The following ZNF536 variants were observed in gnomAD, a reference collection of about 807,000 sequenced individuals.
The protein encoded by ZNF536 is zinc finger protein 536.
In ZNF536, 13 loss-of-function variants were observed where a neutral mutation model predicts 84.5. That is an observed-to-expected ratio of 0.15 (90% CI 0.10 to 0.24). ZNF536 has a LOEUF of 0.24. ZNF536 is among the 10% of genes least tolerant of loss of function. The pLI is 1.00. For missense variants in ZNF536, 1,536 were observed against 1,747.5 expected (o/e 0.88, Z 2.16); for synonymous variants, 811 against 742.5 (o/e 1.09, Z -1.50).
At chr19:30,501,003 G>A (rs184490218) in intron 2 of ZNF536, among the ~76,000 whole-genome samples, 38 of 152,262 alleles carry the variant, frequency 2.5e-4, no homozygotes, top group Non-Finnish European at 1.0e-4. Flanking sequence ...GGATTGGAGC[G>A]AGAAGGTTTG....
At chr19:30,261,297 CAAAAAAAA>C (rs66862950) in intron 1 of ZNF536, among the ~76,000 whole-genome samples, 2 of 23,584 alleles carry the variant, frequency 8.5e-5, no homozygotes, top group East Asian at 1.3e-3. Context: ...GACTCCGTCT[CAAAAAAAA>C]AAAAAAAAAA....
chr19:30,445,834 G>C lies in ZNF536; in HGVS notation c.2170+102G>C, dbSNP rs1481579143. On this transcript the variant is annotated intron_variant, in intron 2 of 4. Transcript: ENST00000355537. This position sits in a 1 kb window ranked among gnomAD's most constrained non-coding sequence, Gnocchi z 4.5. ...CTCCAGTCAGTTCCAAGGCCAGTGG[G>C]TCTTGATTGAGGACAGGGGTGGGTT... 6.2e-6 allele frequency: 9 copies of C among 1,449,976 alleles called. No homozygotes were observed. In the East Asian group the frequency reaches 2.2e-4, roughly 35 times the overall value. 89.8% of individuals were successfully genotyped at this position (1,449,976 alleles called of 1,614,324 possible).
At chr19:30,361,934 G>T (rs28439111) in intron 3 of ZNF536, among the ~76,000 whole-genome samples, 3,047 of 152,256 alleles carry the variant, frequency 0.02, 98 homozygotes, top group African/African-American at 0.066. Context: ...GAGGTCGAGA[G>T]CTGTGAGGCC....
At chr19:30,339,685 T>G (rs746546688) in intron 2 of ZNF536, among the ~76,000 whole-genome samples, 2 of 152,034 alleles carry the variant, frequency 1.3e-5, no homozygotes, top group Non-Finnish European at 2.9e-5. Context: ...GTTGGTGACA[T>G]TGCCAAATCT....
intron 1 of ZNF536, among the ~76,000 whole-genome samples, chr19:30,582,795 T>C (rs2046968505): frequency 6.6e-6 from 1 of 152,090 alleles, no homozygotes; most frequent in Non-Finnish European, 1.5e-5. Context: ...AACCATCAGA[T>C]GTCGTGGGAC....
At chr19:30,448,708 A>G (rs1407009293) in intron 2 of ZNF536, among the ~76,000 whole-genome samples, 2 of 152,218 alleles carry the variant, frequency 1.3e-5, no homozygotes, top group Non-Finnish European at 2.9e-5. Flanking sequence ...TGAATTCATC[A>G]TAAAAAACCT....
chr19:30,636,559 T>C (rs1297276320), intron 1 of ZNF536, among the ~76,000 whole-genome samples: 1 of 152,206 alleles, frequency 6.6e-6, no homozygotes, highest in Non-Finnish European at 1.5e-5. Context: ...CACAGAAAGT[T>C]ATTCTTTCTG....
intron 2 of ZNF536, among the ~76,000 whole-genome samples, chr19:30,475,177 T>G (rs2053794827): frequency 6.6e-6 from 1 of 152,122 alleles, no homozygotes; most frequent in African/African-American, 2.4e-5. Context: ...GTCTCCCAGG[T>G]TCAAGCGATT....
intron 1 of ZNF536, among the ~76,000 whole-genome samples, chr19:30,567,904 T>C (rs2046410034): frequency 6.6e-6 from 1 of 152,210 alleles, no homozygotes; most frequent in Admixed American, 6.5e-5. Flanking sequence ...GGCTGGGATC[T>C]TAGGCCTTTG....
intron 3 of ZNF536, among the ~76,000 whole-genome samples, chr19:30,352,833 A>G (rs1600346446): frequency 6.6e-6 from 1 of 152,312 alleles, no homozygotes; most frequent in Non-Finnish European, 1.5e-5. Flanking sequence ...TGAGATAAAG[A>G]TGGGGCTTCA....
rs186610608 is a variant in ZNF536 at position 30,241,954 on chromosome 19, G to A, written c.-190+13281G>A. 2.0e-5 allele frequency among the ~76,000 whole-genome samples: 3 copies of A among 152,210 alleles called. No homozygotes were observed. In the East Asian group the frequency reaches 5.8e-4, roughly 29 times the overall value. The stretch of plus-strand genomic sequence containing the variant: ...GGGAAGAGTTCCAGGCAGAGGGAAT[G>A]GCCTATGCAAAGGCCCTAAGGTTGG... On this transcript the variant is annotated intron_variant, in intron 1 of 5. Transcript: ENST00000585628.
intron 1 of ZNF536, among the ~76,000 whole-genome samples, chr19:30,693,792 A>G (rs2051530209): frequency 6.6e-6 from 1 of 152,172 alleles, no homozygotes; most frequent in Non-Finnish European, 1.5e-5. Flanking sequence ...AAATATATCC[A>G]GTGTGCCCAT....
chr19:30,563,745 C>T (rs2046256336), intron 1 of ZNF536, among the ~76,000 whole-genome samples: 2 of 152,188 alleles, frequency 1.3e-5, no homozygotes, highest in Admixed American at 1.3e-4. Flanking sequence ...TGGGGTTTGC[C>T]AGGCAGGCTG....
chr19:30,546,229 C>G (rs1277902857), intron 3 of ZNF536, among the ~76,000 whole-genome samples: 1 of 152,180 alleles, frequency 6.6e-6, no homozygotes, highest in African/African-American at 2.4e-5. Context: ...GGGACTGACT[C>G]CAAGAAGGGG....
chr19:30,687,191 C>T (rs574155273), intron 1 of ZNF536, among the ~76,000 whole-genome samples: 1 of 152,320 alleles, frequency 6.6e-6, no homozygotes, highest in East Asian at 1.9e-4. Context: ...TCCTTCCCTT[C>T]TTTATTTCAT....
At chr19:30,368,967 A>G (rs2048525880), upstream of ZNF536, among the ~76,000 whole-genome samples, 1 of 152,224 alleles carries the variant, frequency 6.6e-6, no homozygotes, top group Non-Finnish European at 1.5e-5. Flanking sequence ...TAGCCCACCT[A>G]TAATTAGCAT....
At position 30,444,878 on chromosome 19, in the gene ZNF536, T is replaced by C. The variant is rs2148202096; in HGVS notation, c.1316T>C (p.Met439Thr). The C allele has an allele frequency of 6.2e-7, 1 of 1,612,922 alleles. No homozygotes were observed. The highest frequency in any genetic ancestry group is 8.5e-7 in the Non-Finnish European group (1 of 1,179,664). The part of the protein sequence containing the change: ...RYLSCLQSGF[M>T]TPDKAGLSEP... ...CTCTCCTGCCTGCAGAGTGGCTTCA[T>C]GACCCCGGACAAAGCCGGCCTGAGC... Residue 439 changes from methionine to threonine, a missense_variant, in exon 2 of 5, where the codon ATG (methionine) becomes ACG (threonine). By Grantham distance (81) the Met-to-Thr change is moderately conservative (BLOSUM62 -1). Transcript: ENST00000355537.
In ZNF536 at chr19:30,445,265, T is replaced by C. The variant is rs1444112538; in HGVS notation, c.1703T>C (p.Leu568Ser). 3 of 1,614,060 alleles carry C rather than the reference T, an allele frequency of 1.9e-6. No homozygotes were observed. Among genetic ancestry groups the C allele is most frequent in the Admixed American group, 3.3e-5 (2 of 60,022 alleles). ...GATAAGGAGAAGCGGGAGTACGTGT[T>C]AGTGGGAGCAGATGGCTCCAAGCAG... ...LFDKEKREYV[L>S]VGADGSKQKM... The change falls in exon 2 of 5, where the codon TTA becomes TCA. Residue 568 changes from leucine to serine, a missense_variant. Leu to Ser is a moderately radical substitution (Grantham distance 145, BLOSUM62 -2). Around this residue, in one of 8 missense-constraint regions of ZNF536, gnomAD observed 366 missense variants for 364.4 expected, o/e 1.00. Transcript: ENST00000355537. This position sits in a 1 kb window ranked among gnomAD's most constrained non-coding sequence, Gnocchi z 4.5.
chr19:30,267,923 C>T (rs183233990), intron 1 of ZNF536, among the ~76,000 whole-genome samples: 144 of 151,976 alleles, frequency 9.5e-4, no homozygotes, highest in Middle Eastern at 6.8e-3. Context: ...AGAGAGAGAT[C>T]TGCAACGGAA....
Sources: allele counts gnomAD v4.1 joint callset (sites outside exome capture counted in the v4.1 genomes callset), GRCh38; gene constraint gnomAD v4.1.1; regional missense constraint gnomAD v4.1.1; non-coding constraint Gnocchi (gnomAD v3.1); transcripts MANE v1.5; gene names NCBI Gene and HGNC (gene_info 2026-07-23, HGNC 2026-07-21).